The following ALLC variants were observed in gnomAD, a reference collection of about 807,000 sequenced individuals.
ALLC encodes probable inactive allantoicase.
Under a neutral mutation model 45.0 loss-of-function variants are expected in ALLC, and 40 were observed. The ratio of observed to expected loss-of-function variants is 0.89; its 90% CI spans 0.69 to 1.16. ALLC has a LOEUF of 1.16. Among genes scored for constraint, ALLC ranks in the 50% most tolerant of loss-of-function variants. ALLC has a pLI of 0.00. For missense variants in ALLC, 488 were observed against 493.1 expected (o/e 0.99, Z 0.10); for synonymous variants, 176 against 178.1 (o/e 0.99, Z 0.09).
chr2:3,694,185 G>A (rs1558547600), intron 7 of ALLC, among the ~76,000 whole-genome samples: 1 of 152,164 alleles, frequency 6.6e-6, no homozygotes, highest in Non-Finnish European at 1.5e-5. Flanking sequence ...TGGAAGCCCT[G>A]CTTTTCTGGG....
chr2:3,674,088 CA>C lies in ALLC; in HGVS notation c.48del (p.Asp17MetfsTer11). The C allele has an allele frequency of 1.3e-6, 2 of 1,557,924 alleles. No individual in the cohort carries two copies. Among genetic ancestry groups the C allele is most frequent in the Non-Finnish European group, 1.7e-6 (2 of 1,148,372 alleles). ...TTCTTTGTCTAGATTTTATTTGCAA[CA>C]GATGACTTTTTTGCTCCTGCAGAAA... Reference protein sequence around the residue: ...ESVGGKILFATDDFFAPAENL... With the variant: ...ESVGGKILFAXDDFFAPAENL... On this transcript the variant is annotated frameshift_variant, in exon 3 of 12. Coordinates refer to ENST00000252505, the MANE Select transcript of ALLC (RefSeq NM_018436.4). LOFTEE classifies it high-confidence loss of function.
rs1309305070 is a variant in ALLC at position 3,681,637 on chromosome 2, A to C, written c.302A>C (p.Lys101Thr). The C allele has an allele frequency of 1.2e-5, 19 of 1,608,418 alleles. No individual in the cohort carries two copies. Among genetic ancestry groups the C allele is most frequent in the Non-Finnish European group, 1.1e-5 (13 of 1,176,884 alleles). Residue 101 changes from lysine to threonine, a missense_variant, in exon 6 of 12, where the codon AAA becomes ACA. Lys to Thr is a moderately conservative substitution (Grantham distance 78). Coordinates refer to ENST00000252505, the MANE Select transcript of ALLC (RefSeq NM_018436.4). The stretch of plus-strand genomic sequence containing the variant: ...TGAATGGTCATTCCAACTACAGATA[A>C]ACTACCAGAAATCCCAGAAAGAGGA... ...SIQAANLEED[K>T]LPEIPERGTR...
At chr2:3,672,669 G>GGGAGGTCCTCTGGCTCTGGTTAGATC (rs1666918306) in intron 2 of ALLC, among the ~76,000 whole-genome samples, 5 of 135,306 alleles carry the variant, frequency 3.7e-5, no homozygotes, top group Non-Finnish European at 6.4e-5. Context: ...CTGGTTAGAT[G>GGGAGGTCCTCTGGCTCTGGTTAGATC]GGAGGTCCTC....
intron 2 of ALLC, among the ~76,000 whole-genome samples, chr2:3,672,098 G>A (rs1384480861): frequency 9.2e-6 from 1 of 109,192 alleles, no homozygotes; most frequent in Admixed American, 7.9e-5. Context: ...TGGTTAGATC[G>A]GAGGTCCTCT....
At chr2:3,657,323 G>A (rs560261978), upstream of ALLC, among the ~76,000 whole-genome samples, 1 of 152,344 alleles carries the variant, frequency 6.6e-6, no homozygotes, top group East Asian at 1.9e-4. Context: ...GAGTTCAGGA[G>A]GAGAAGGCCG....
At chr2:3,648,397 G>A in the ALLC span, among the ~76,000 whole-genome samples, 11 of 152,168 alleles carry the variant, frequency 7.2e-5, no homozygotes, top group East Asian at 9.7e-4. Context: ...CAAAGCTCTC[G>A]TGCACACATA....
chr2:3,683,159 T>C (rs1165907413), intron 7 of ALLC, 85 bp downstream of exon 7: 33 of 1,412,130 alleles, frequency 2.3e-5, no homozygotes, highest in Non-Finnish European at 3.1e-5. Context: ...TGACTTGCTC[T>C]TTCCTTCTTG....
At chr2:3,687,555 C>A (rs184760231) in intron 7 of ALLC, among the ~76,000 whole-genome samples, 1 of 150,722 alleles carries the variant, frequency 6.6e-6, no homozygotes, top group Non-Finnish European at 1.5e-5. Flanking sequence ...AGCAGGGAAG[C>A]CATTAGGTCC....
chr2:3,651,474 G>A, the ALLC span, among the ~76,000 whole-genome samples: 7 of 139,618 alleles, frequency 5.0e-5, 1 homozygote, highest in East Asian at 7.0e-4. Context: ...GGCGTAGAAA[G>A]GACAAAGAGC....
chr2:3,691,841 C>A (rs1329721731), intron 7 of ALLC, among the ~76,000 whole-genome samples: 1 of 151,800 alleles, frequency 6.6e-6, no homozygotes, highest in Non-Finnish European at 1.5e-5. Flanking sequence ...TTTAAATAGC[C>A]CATTTTGAGC....
the ALLC span, among the ~76,000 whole-genome samples, chr2:3,651,273 G>C: frequency 3.0e-5 from 4 of 134,318 alleles, no homozygotes; most frequent in South Asian, 5.1e-4. Context: ...CGCTCAGGCC[G>C]CCGATGCTTG....
chr2:3,694,143 G>A (rs181610782), intron 7 of ALLC, among the ~76,000 whole-genome samples: 3 of 152,168 alleles, frequency 2.0e-5, no homozygotes, highest in African/African-American at 7.2e-5. Context: ...CAGGATTCAC[G>A]AGTTGAGGGA....
At chr2:3,647,242 A>C in the ALLC span, among the ~76,000 whole-genome samples, 2 of 151,872 alleles carry the variant, frequency 1.3e-5, no homozygotes, top group Admixed American at 1.3e-4. Context: ...ATCCTCCTTT[A>C]CTTCAGTCAA....
intron 1 of ALLC, among the ~76,000 whole-genome samples, chr2:3,665,658 G>C (rs1409998189): frequency 6.6e-6 from 1 of 152,146 alleles, no homozygotes; most frequent in Non-Finnish European, 1.5e-5. Flanking sequence ...CCTTTTTATG[G>C]CTGCATAGTA....
At chr2:3,682,587 G>A (rs1056360599) in intron 6 of ALLC, among the ~76,000 whole-genome samples, 10 of 152,150 alleles carry the variant, frequency 6.6e-5, no homozygotes, top group Non-Finnish European at 8.8e-5. Flanking sequence ...GTGCAGGGGC[G>A]CGATCTCGGC....
intron 7 of ALLC, among the ~76,000 whole-genome samples, chr2:3,691,589 A>T (rs759866990): frequency 6.6e-6 from 1 of 152,094 alleles, no homozygotes; most frequent in Non-Finnish European, 1.5e-5. Context: ...GATTTTTTAT[A>T]TGCCTTGGAG....
intron 11 of ALLC, 56 bp downstream of exon 11, chr2:3,701,692 T>C: frequency 6.5e-7 from 1 of 1,541,548 alleles, no homozygotes; most frequent in Non-Finnish European, 8.8e-7. Context: ...TTCCCTAAGA[T>C]TCTCTTTTGA....
At chr2:3,695,677 C>T (rs751375408) in intron 7 of ALLC, 40 bp from the exon 8 acceptor site, 1 of 1,612,778 alleles carries the variant, frequency 6.2e-7, no homozygotes, top group Non-Finnish European at 8.5e-7. Context: ...CACAAGCAGC[C>T]ATTTTTACAA....
intron 10 of ALLC, among the ~76,000 whole-genome samples, chr2:3,700,777 C>T (rs892982499): frequency 2.0e-5 from 3 of 152,140 alleles, no homozygotes; most frequent in African/African-American, 7.2e-5. Context: ...GTTCGCCCAC[C>T]CTGGAGACTA....
Sources: allele counts gnomAD v4.1 joint callset (sites outside exome capture counted in the v4.1 genomes callset), GRCh38; gene constraint gnomAD v4.1.1; transcripts MANE v1.5; gene names NCBI Gene and HGNC (gene_info 2026-07-23, HGNC 2026-07-21).